The following PCDH15 variants were observed in gnomAD, a reference collection of about 807,000 sequenced individuals.
PCDH15 encodes the protein protocadherin related 15.
A neutral mutation model predicts 178.5 loss-of-function variants in PCDH15; 129 were observed. The observed-to-expected ratio is 0.72, with a 90% CI of 0.63 to 0.84. PCDH15 has a LOEUF of 0.84. Ranked by LOEUF, PCDH15 falls within the 40% of genes least tolerant of loss-of-function variation. The pLI, the probability that PCDH15 is intolerant of heterozygous loss-of-function variation, is 0.00. For missense variants in PCDH15, 2,230 were observed against 2,099.9 expected (o/e 1.06, Z -1.21); for synonymous variants, 800 against 732.0 (o/e 1.09, Z -1.50).
chr10:54,338,323 CA>C (rs1382534104), intron 6 of PCDH15, among the ~76,000 whole-genome samples: 1 of 152,170 alleles, frequency 6.6e-6, no homozygotes, highest in African/African-American at 2.4e-5. Context: ...TATTAAACTA[CA>C]GTAAATTTTT....
chr10:55,061,406 T>C (rs1841427409), intron 2 of PCDH15, among the ~76,000 whole-genome samples: 1 of 152,190 alleles, frequency 6.6e-6, no homozygotes, highest in Non-Finnish European at 1.5e-5. Context: ...ACATTGATTA[T>C]GCTGGCAAGG....
At chr10:55,007,721 A>T (rs1434964060) in intron 2 of PCDH15, among the ~76,000 whole-genome samples, 1 of 152,150 alleles carries the variant, frequency 6.6e-6, no homozygotes, top group East Asian at 1.9e-4. Flanking sequence ...TTCTGGCTTG[A>T]AGGAATACTT....
At chr10:55,451,819 A>G (rs1031014465) in intron 2 of PCDH15, among the ~76,000 whole-genome samples, 5 of 152,206 alleles carry the variant, frequency 3.3e-5, no homozygotes, top group Non-Finnish European at 7.3e-5. Flanking sequence ...TTACCTATTT[A>G]TCTAACTATG....
chr10:54,626,358 A>C (rs2093550743), intron 2 of PCDH15, among the ~76,000 whole-genome samples: 1 of 152,182 alleles, frequency 6.6e-6, no homozygotes, highest in Non-Finnish European at 1.5e-5. Flanking sequence ...CTTATACCAC[A>C]GGCCTGGAAG....
chr10:55,137,164 G>A (rs1165498908), intron 2 of PCDH15, among the ~76,000 whole-genome samples: 1 of 152,104 alleles, frequency 6.6e-6, no homozygotes, highest in African/African-American at 2.4e-5. Context: ...TGTACCGCAT[G>A]ATATTTCATA....
At chr10:54,889,760 A>T (rs1457478596) in intron 3 of PCDH15, among the ~76,000 whole-genome samples, 1 of 151,624 alleles carries the variant, frequency 6.6e-6, no homozygotes, top group Non-Finnish European at 1.5e-5. Flanking sequence ...TTAATATATT[A>T]AATATATTGA....
chr10:54,051,872 C>T (rs2093782853), intron 18 of PCDH15, among the ~76,000 whole-genome samples: 1 of 152,118 alleles, frequency 6.6e-6, no homozygotes, highest in South Asian at 2.1e-4. Context: ...AGCCTCAGTA[C>T]ATAGTTCCCC....
intron 2 of PCDH15, among the ~76,000 whole-genome samples, chr10:55,334,221 C>CATGTATATATATATATATAT (rs1554854080): frequency 3.2e-5 from 2 of 62,880 alleles, no homozygotes; most frequent in Non-Finnish European, 5.2e-5. Flanking sequence ...TAGGGTGCTC[C>CATGTATATATATATATATAT]ATATATATAT....
chr10:54,228,448 C>G (rs2053695632), intron 9 of PCDH15, among the ~76,000 whole-genome samples: 1 of 152,104 alleles, frequency 6.6e-6, no homozygotes, highest in Non-Finnish European at 1.5e-5. Context: ...TTGTCCCTCC[C>G]ACAACACATA....
At chr10:53,981,042 A>T (rs1163773745) in intron 21 of PCDH15, among the ~76,000 whole-genome samples, 1 of 152,242 alleles carries the variant, frequency 6.6e-6, no homozygotes, top group Admixed American at 6.5e-5. Flanking sequence ...ATATTTACTC[A>T]TATCTGTATT....
At chr10:55,442,322 T>G (rs1839205914) in intron 2 of PCDH15, among the ~76,000 whole-genome samples, 1 of 151,040 alleles carries the variant, frequency 6.6e-6, no homozygotes, top group African/African-American at 2.4e-5. Flanking sequence ...AATCCATTAA[T>G]TCAGCGATGA....
At chr10:54,428,852 C>T (rs1275742875) in intron 3 of PCDH15, among the ~76,000 whole-genome samples, 1 of 152,074 alleles carries the variant, frequency 6.6e-6, no homozygotes, top group Non-Finnish European at 1.5e-5. Context: ...ATAGTGTATC[C>T]AGTAAATATA....
At chr10:55,322,005 A>G (rs937767582), upstream of PCDH15, among the ~76,000 whole-genome samples, 2 of 152,178 alleles carry the variant, frequency 1.3e-5, no homozygotes, top group Non-Finnish European at 2.9e-5. Context: ...TGCAAATATC[A>G]ATACTAATTG....
chr10:54,464,502 T>C (rs1260772663), intron 3 of PCDH15, among the ~76,000 whole-genome samples: 1 of 152,214 alleles, frequency 6.6e-6, no homozygotes, highest in Non-Finnish European at 1.5e-5. Flanking sequence ...ATAATATTTT[T>C]GTGTTTACAC....
chr10:54,484,321 T>C (rs2078937683), intron 3 of PCDH15, among the ~76,000 whole-genome samples: 1 of 151,914 alleles, frequency 6.6e-6, no homozygotes, highest in African/African-American at 2.4e-5. Flanking sequence ...TGGCTTTTTT[T>C]CCCCTTCATG....
intron 1 of PCDH15, among the ~76,000 whole-genome samples, chr10:55,295,481 G>T (rs1843109806): frequency 6.6e-6 from 1 of 152,150 alleles, no homozygotes; most frequent in South Asian, 2.1e-4. Context: ...GCAAGGCAAG[G>T]TGTCAAAAAA....
chr10:54,920,541 T>C (rs1001080617), intron 2 of PCDH15, among the ~76,000 whole-genome samples: 1 of 150,842 alleles, frequency 6.6e-6, no homozygotes, highest in African/African-American at 2.4e-5. Context: ...TGTGTGACTG[T>C]GGCATTCCTA....
chr10:55,492,822 T>C (rs1181073341), intron 2 of PCDH15, among the ~76,000 whole-genome samples: 1 of 151,690 alleles, frequency 6.6e-6, no homozygotes, highest in Non-Finnish European at 1.5e-5. Context: ...AAAGGAAGAC[T>C]TGATAGTAAT....
In PCDH15 at chr10:55,213,659, T is replaced by C. The variant is rs185142879; in HGVS notation, c.-155-47008A>G. 8.7e-4 allele frequency among the ~76,000 whole-genome samples: 132 copies of C among 151,918 alleles called. 3 individuals carry two copies. Among genetic ancestry groups the C allele is most frequent in the Admixed American group, 1.1e-3 (17 of 15,272 alleles). ...ATATTAAGTCCTCTTCCCTTTCTAG[T>C]ATTGTTTATTTATGTTTTCTTGTTT... On this transcript the variant is annotated intron_variant, in intron 1 of 5. Coordinates refer to the PCDH15 transcript ENST00000458638.
Sources: allele counts gnomAD v4.1 joint callset (sites outside exome capture counted in the v4.1 genomes callset), GRCh38; gene constraint gnomAD v4.1.1; transcripts MANE v1.5; gene names NCBI Gene and HGNC (gene_info 2026-07-23, HGNC 2026-07-21).